ISY1: variants seen among roughly 807,000 people sequenced by gnomAD.
ISY1 encodes pre-mRNA-splicing factor ISY1 homolog.
A neutral mutation model predicts 54.4 loss-of-function variants in ISY1; 12 were observed. The observed-to-expected ratio is 0.22, with a 90% CI of 0.14 to 0.36. The LOEUF (loss-of-function observed/expected upper bound fraction) is 0.36, where lower values mean the gene tolerates loss of function less well. Ranked by LOEUF, ISY1 falls within the 10% of genes least tolerant of loss-of-function variation. The pLI is 1.00. For synonymous variants in ISY1, 96 were observed against 117.9 expected (o/e 0.81, Z 1.20); for missense variants, 282 against 342.2 (o/e 0.82, Z 1.39).
rs902257058 is a variant in ISY1, at chr3:129,130,026, G to A, written c.*55C>T. The A allele has an allele frequency of 1.1e-5, 15 of 1,399,534 alleles. No homozygotes were observed. The South Asian group carries it at 2.1e-4, about 19-fold the overall frequency. The allele number at this position is 1,399,534 out of a possible 1,614,324, so 86.7% of individuals were successfully genotyped here. ...CACCAGCCTGTGTCTGCAGCCCTGGGTCCTGAGGTACCACTGGGGGATGGA... is the reference window on the plus strand; with the variant it reads ...CACCAGCCTGTGTCTGCAGCCCTGGATCCTGAGGTACCACTGGGGGATGGA... On this transcript the variant is annotated 3_prime_UTR_variant, in exon 11 of 11. Coordinates refer to ENST00000393295, the MANE Select transcript of ISY1 (RefSeq NM_020701.4).
intron 5 of ISY1, among the ~76,000 whole-genome samples, chr3:129,153,681 G>A (rs534555121): frequency 6.6e-6 from 1 of 152,032 alleles, no homozygotes; most frequent in East Asian, 1.9e-4. Flanking sequence ...AGCTACTCAG[G>A]AGGCTGAGGC....
rs1182143481 is a variant in ISY1 at position 129,149,870 on chromosome 3, A to G, written c.188-3997T>C. On this transcript the variant is annotated intron_variant, in intron 5 of 10. Coordinates refer to ENST00000393295, the MANE Select transcript of ISY1 (RefSeq NM_020701.4). ...GCGTCTGCAGTCTCAGCTACATGAG[A>G]GTTTGAGGCAAAAGGATCACTTGAG... Among the ~76,000 whole-genome samples the G allele has an allele frequency of 1.3e-4, 19 of 148,530 alleles. No individual in the cohort carries two copies. In the Admixed American group the frequency reaches 1.3e-3, roughly 10 times the overall value.
At chr3:129,159,507 A>G (rs1319604946) in intron 1 of ISY1, among the ~76,000 whole-genome samples, 2 of 152,114 alleles carry the variant, frequency 1.3e-5, no homozygotes, top group Non-Finnish European at 2.9e-5. Flanking sequence ...GGTGTCCTCT[A>G]TCAAGGATTA....
chr3:129,142,545 T>C (rs1936651099), intron 6 of ISY1, among the ~76,000 whole-genome samples: 2 of 152,208 alleles, frequency 1.3e-5, no homozygotes, highest in African/African-American at 4.8e-5. Context: ...CTGGTAAATC[T>C]GTATAAAGGG....
chr3:129,159,927 TC>T (rs1473247071), intron 1 of ISY1, among the ~76,000 whole-genome samples: 1 of 152,178 alleles, frequency 6.6e-6, no homozygotes, highest in Non-Finnish European at 1.5e-5. Flanking sequence ...TTTGAGATTC[TC>T]CCCTTCAACT....
At chr3:129,149,805 A>AAAAAAAAG (rs1553783043) in intron 5 of ISY1, among the ~76,000 whole-genome samples, 29 of 59,934 alleles carry the variant, frequency 4.8e-4, no homozygotes, top group Non-Finnish European at 5.8e-4. Context: ...AAAAAAAAAA[A>AAAAAAAAG]AAAGAAAGAA....
At chr3:129,144,240 C>A in intron 6 of ISY1, 1 of 345,068 alleles carries the variant, frequency 2.9e-6, no homozygotes, top group Non-Finnish European at 5.8e-6. Context: ...TAAAAAACAG[C>A]AAAAATAAAA....
intron 6 of ISY1, among the ~76,000 whole-genome samples, chr3:129,142,970 G>A (rs182766736): frequency 6.6e-6 from 1 of 152,236 alleles, no homozygotes; most frequent in Non-Finnish European, 1.5e-5. Flanking sequence ...CATGAGAATC[G>A]CTTGAACCCA....
In ISY1 at chr3:129,153,994, G is replaced by A. The variant is rs562194363; in HGVS notation, c.187+2639C>T. ...GCCATGGCTCACGCCTGTAATCCCA[G>A]CACTTTGGGAGGCCGAGGCGGGCGG... On this transcript the variant is annotated intron_variant, in intron 5 of 10. Transcript: ENST00000393295. Among the ~76,000 whole-genome samples the A allele has an allele frequency of 9.9e-5, 15 of 152,004 alleles. No homozygotes were observed. In the South Asian group the frequency reaches 1.7e-3, roughly 17 times the overall value.
At chr3:129,138,591 C>A (rs1482183216) in intron 7 of ISY1, among the ~76,000 whole-genome samples, 1 of 151,820 alleles carries the variant, frequency 6.6e-6, no homozygotes, top group South Asian at 2.1e-4. Flanking sequence ...TTGCAGTGAG[C>A]CAAGATTGGG....
chr3:129,133,649 G>C (rs957056738), intron 9 of ISY1, among the ~76,000 whole-genome samples: 2 of 152,152 alleles, frequency 1.3e-5, no homozygotes, highest in African/African-American at 4.8e-5. Flanking sequence ...AGCCAAGATT[G>C]TGCCACTGCA....
At chr3:129,158,683 A>G in intron 2 of ISY1, 124 bp from the exon 3 acceptor site, 1 of 1,302,986 alleles carries the variant, frequency 7.7e-7, no homozygotes. Flanking sequence ...ATATACAAAT[A>G]TTGTAATTAA....
intron 9 of ISY1, 89 bp downstream of exon 9, chr3:129,133,985 T>C: frequency 6.3e-7 from 1 of 1,579,718 alleles, no homozygotes; most frequent in South Asian, 1.2e-5. Flanking sequence ...GAACCCTGAC[T>C]CTGTATTTGG....
chr3:129,153,479 G>T (rs748878969), intron 5 of ISY1, among the ~76,000 whole-genome samples: 1 of 152,046 alleles, frequency 6.6e-6, no homozygotes. Flanking sequence ...CCTTCCAGTT[G>T]TAACAATCAA....
chr3:129,134,304 A>G lies in ISY1; in HGVS notation c.542-109T>C, dbSNP rs560340278. 53 of 1,555,770 alleles carry G rather than the reference A, an allele frequency of 3.4e-5. No homozygotes were observed. The South Asian group carries it at 6.3e-4, about 18-fold the overall frequency. On this transcript the variant is annotated intron_variant, in intron 8 of 10. Transcript: ENST00000393295. ...GGGAAAGTCTAGACATCCCCTCTAG[A>G]AAGGGACACCCTTCATTCTGCCCCC...
In ISY1 at chr3:129,145,783, T is replaced by A; in HGVS notation, c.278A>T (p.Glu93Val). 1 of 1,614,162 alleles carries A rather than the reference T, an allele frequency of 6.2e-7. No homozygotes were observed. Among genetic ancestry groups the A allele is most frequent in the Non-Finnish European group, 8.5e-7 (1 of 1,180,006 alleles). ...CACTCCATAATCAGGACCTCCCAGC[T>A]CCTTTATCCGGACCTCCCAGTGTCC... ...EKGHWEVRIK[E>V]LGGPDYGKVG... The change falls in exon 6 of 11, where the codon GAG (glutamate) becomes GTG (valine). Residue 93 changes from glutamate to valine, a missense_variant. Coordinates refer to ENST00000393295, the MANE Select transcript of ISY1 (RefSeq NM_020701.4).
At chr3:129,151,262 G>C (rs1028454585) in intron 5 of ISY1, among the ~76,000 whole-genome samples, 5 of 151,074 alleles carry the variant, frequency 3.3e-5, no homozygotes, top group African/African-American at 7.3e-5. Flanking sequence ...TCTTTTCTGT[G>C]ATCTTGATAA....
intron 7 of ISY1, among the ~76,000 whole-genome samples, chr3:129,137,779 G>A (rs1318474976): frequency 1.3e-5 from 2 of 150,586 alleles, no homozygotes; most frequent in African/African-American, 4.9e-5. Flanking sequence ...GGGCGTGGTG[G>A]CGGTCACCTA....
intron 7 of ISY1, among the ~76,000 whole-genome samples, chr3:129,135,277 G>A (rs1267328272): frequency 6.6e-6 from 1 of 152,108 alleles, no homozygotes; most frequent in African/African-American, 2.4e-5. Context: ...CTAGGAGGCA[G>A]AGTTTGCAGT....
Sources: gnomAD v4.1 joint callset for allele counts (sites outside exome capture counted in the v4.1 genomes callset) on GRCh38, gnomAD v4.1.1 for gene constraint, MANE v1.5 for transcripts, NCBI Gene and HGNC (gene_info 2026-07-23, HGNC 2026-07-21) for gene names.